LNX1: variants seen among roughly 807,000 people sequenced by gnomAD.
The protein encoded by LNX1 is E3 ubiquitin-protein ligase LNX.
In LNX1, 54 loss-of-function variants were observed where a neutral mutation model predicts 68.4. That is an observed-to-expected ratio of 0.79 (90% CI 0.63 to 0.99). The LOEUF is 0.99. Ranked by LOEUF, LNX1 falls within the 50% of genes least tolerant of loss-of-function variation. LNX1 has a pLI of 0.00. For missense variants in LNX1, 906 were observed against 926.4 expected (o/e 0.98, Z 0.29); for synonymous variants, 336 against 350.0 (o/e 0.96, Z 0.45).
chr4:53,573,850 G>C lies in LNX1; in HGVS notation c.153C>G (p.Pro51=). The C allele has an allele frequency of 4.3e-6, 7 of 1,613,782 alleles. No individual in the cohort carries two copies. The highest frequency in any genetic ancestry group is 5.9e-6 in the Non-Finnish European group (7 of 1,179,854). ...CHICLQALLD[P]LDTPCGHTYC... ...AGGTGTGTCCACACGGAGTGTCCAG[G>C]GGGTCCAGCAAAGCCTGCAGGCAGA... Residue 51 remains proline, a synonymous_variant, in exon 2 of 11, where the codon CCC becomes CCG. Coordinates refer to ENST00000263925, the MANE Select transcript of LNX1 (RefSeq NM_001126328.3).
chr4:53,571,063 G>T (rs1638858512), intron 2 of LNX1, among the ~76,000 whole-genome samples: 1 of 151,030 alleles, frequency 6.6e-6, no homozygotes, highest in Non-Finnish European at 1.5e-5. Context: ...TTTTGAGATG[G>T]AGTCTCGCTC....
At chr4:53,590,883 A>G (rs1310215258) in intron 1 of LNX1, among the ~76,000 whole-genome samples, 1 of 152,242 alleles carries the variant, frequency 6.6e-6, no homozygotes, top group Non-Finnish European at 1.5e-5. Flanking sequence ...TGAATAGGGC[A>G]ACAGAATTTG....
At chr4:53,483,790 G>C (rs772211883) in intron 6 of LNX1, among the ~76,000 whole-genome samples, 7 of 152,212 alleles carry the variant, frequency 4.6e-5, no homozygotes, top group Non-Finnish European at 7.3e-5. Flanking sequence ...GGCTAGGGGA[G>C]AAAGGTCATG....
In LNX1 at chr4:53,508,476, T is replaced by C. The variant is rs1206792804; in HGVS notation, c.381-249A>G. 1.3e-5 allele frequency: 6 copies of C among 463,434 alleles called. No homozygotes were observed. The Admixed American group carries it at 1.7e-4, about 13-fold the overall frequency. 28.7% of individuals were successfully genotyped at this position (463,434 alleles called of 1,614,324 possible). Reference sequence around the variant, plus strand: ...GCATTCTCTTAAAGCAATCTCTACATTGGCTGCTGGAATGCAAATTTATTC... The same window carrying C: ...GCATTCTCTTAAAGCAATCTCTACACTGGCTGCTGGAATGCAAATTTATTC... On this transcript the variant is annotated intron_variant, in intron 2 of 10. Coordinates refer to ENST00000263925, the MANE Select transcript of LNX1 (RefSeq NM_001126328.3).
At chr4:53,602,625 G>T (rs1055513182) in intron 2 of LNX1, among the ~76,000 whole-genome samples, 2 of 152,178 alleles carry the variant, frequency 1.3e-5, no homozygotes, top group African/African-American at 4.8e-5. Flanking sequence ...TTTACACGTG[G>T]TGACTAAACT....
rs1721383190 is a variant in LNX1 at position 53,459,596 on chromosome 4, G to A, written c.*1311C>T. On this transcript the variant is annotated 3_prime_UTR_variant, in exon 11 of 11. Coordinates refer to ENST00000263925, the MANE Select transcript of LNX1 (RefSeq NM_001126328.3). ...TTAACTTTTTTTCCAAAATAAAAGAGTGAATTTTTCATGTTAAGTTAAAAA... is the reference window on the plus strand; with the variant it reads ...TTAACTTTTTTTCCAAAATAAAAGAATGAATTTTTCATGTTAAGTTAAAAA... The A allele has an allele frequency of 3.5e-6, 4 of 1,150,628 alleles. No individual in the cohort carries two copies. The highest frequency in any genetic ancestry group is 5.0e-6 in the Non-Finnish European group (4 of 796,084). 71.3% of individuals were successfully genotyped at this position (1,150,628 alleles called of 1,614,324 possible). A position where few individuals can be genotyped will look rare whatever the true frequency, so the allele number is the denominator to read the frequency against.
intron 1 of LNX1, chr4:53,616,701 AT>A (rs2109854647): frequency 6.7e-6 from 1 of 150,116 alleles, no homozygotes; most frequent in African/African-American, 2.5e-5. Context: ...GCTAATATTT[AT>A]TGAAACCTTA....
upstream of LNX1, among the ~76,000 whole-genome samples, chr4:53,593,571 AG>A (rs1732610956): frequency 6.6e-6 from 1 of 152,208 alleles, no homozygotes; most frequent in Admixed American, 6.5e-5. Flanking sequence ...TAGTGTATAA[AG>A]GAAGAGAAAA....
chr4:53,592,491 G>C (rs545589139), upstream of LNX1, among the ~76,000 whole-genome samples: 1 of 152,120 alleles, frequency 6.6e-6, no homozygotes, highest in Non-Finnish European at 1.5e-5. Context: ...GAAACGCTGC[G>C]TATTTTTACC....
intron 2 of LNX1, among the ~76,000 whole-genome samples, chr4:53,567,949 G>A (rs1234522515): frequency 6.6e-6 from 1 of 152,032 alleles, no homozygotes; most frequent in African/African-American, 2.4e-5. Flanking sequence ...AAACCAGGAA[G>A]AAGTTGAATC....
intron 2 of LNX1, among the ~76,000 whole-genome samples, chr4:53,559,328 T>C (rs1730122623): frequency 6.6e-6 from 1 of 152,236 alleles, no homozygotes; most frequent in African/African-American, 2.4e-5. Context: ...CATGATTTTG[T>C]TGAGGTCCAA....
intron 2 of LNX1, among the ~76,000 whole-genome samples, chr4:53,509,242 C>A (rs1481184853): frequency 6.6e-6 from 1 of 152,200 alleles, no homozygotes; most frequent in Non-Finnish European, 1.5e-5. Context: ...TCACGAGCCC[C>A]TTTAGGAAGT....
intron 9 of LNX1, among the ~76,000 whole-genome samples, chr4:53,467,600 T>A (rs1161052403): frequency 1.3e-5 from 2 of 151,762 alleles, no homozygotes; most frequent in South Asian, 2.1e-4. Context: ...TGAAAAAAAA[T>A]TAGACAAATG....
rs1265327123 is a variant in LNX1, at chr4:53,578,574, CTG to C, written c.-86-4488_-86-4487del. On this transcript the variant is annotated intron_variant, in intron 1 of 10. Transcript: ENST00000263925. ...CAACATGTCGTTATGGGGTCCATGA[CTG>C]TAGATATGTCAAAGATCTCTGAAGA... 2.0e-5 allele frequency among the ~76,000 whole-genome samples: 3 copies of C among 152,298 alleles called. No homozygotes were observed. The East Asian group carries it at 5.8e-4, about 29-fold the overall frequency.
At chr4:53,499,947 A>G (rs1198416837) in intron 4 of LNX1, 3 of 152,174 alleles carry the variant, frequency 2.0e-5, no homozygotes, top group Non-Finnish European at 4.4e-5. Flanking sequence ...TCCCCAAGAA[A>G]TCTCTCCTAG....
chr4:53,569,734 A>G (rs1209718861), intron 2 of LNX1, among the ~76,000 whole-genome samples: 5 of 143,992 alleles, frequency 3.5e-5, no homozygotes, highest in East Asian at 2.1e-4. Flanking sequence ...GCAACCTACA[A>G]AATGGGAGAA....
At chr4:53,649,623 AT>A (rs1735017403) in intron 1 of LNX1, among the ~76,000 whole-genome samples, 1 of 152,124 alleles carries the variant, frequency 6.6e-6, no homozygotes, top group African/African-American at 2.4e-5. Context: ...CAGTTACAGT[AT>A]TTCATCCTTC....
chr4:53,617,179 A>T (rs1733710325), intron 1 of LNX1: 1 of 124,234 alleles, frequency 8.0e-6, no homozygotes, highest in South Asian at 2.5e-4. Context: ...ATGACCAAAA[A>T]ATAAGACCTA....
At chr4:53,556,698 G>T (rs919359477) in intron 2 of LNX1, among the ~76,000 whole-genome samples, 12 of 152,196 alleles carry the variant, frequency 7.9e-5, no homozygotes, top group Admixed American at 6.5e-5. Context: ...CCAATAAGAT[G>T]GGACCAGATA....
Sources: allele counts gnomAD v4.1 joint callset (sites outside exome capture counted in the v4.1 genomes callset), GRCh38; gene constraint gnomAD v4.1.1; transcripts MANE v1.5; gene names NCBI Gene and HGNC (gene_info 2026-07-23, HGNC 2026-07-21).